CCT4: variants seen among roughly 807,000 people sequenced by gnomAD.
CCT4 encodes T-complex protein 1 subunit delta.
CCT4 carries 17 observed loss-of-function variants against 62.5 expected under a neutral mutation model. The observed-to-expected ratio is 0.27, with a 90% CI of 0.19 to 0.41. The LOEUF is 0.41. Among genes scored for constraint, CCT4 ranks in the 10% least tolerant of loss-of-function variants. The pLI, the probability that CCT4 is intolerant of heterozygous loss-of-function variation, is 1.00. For missense variants in CCT4, 592 were observed against 659.2 expected, an observed-to-expected ratio of 0.90 and a Z score of 1.12; for synonymous variants, 250 against 229.9, an observed-to-expected ratio of 1.09 and a Z score of -0.79.
chr2:61,877,121 C>G, intron 6 of CCT4, 69 bp from the exon 7 acceptor site: 1 of 1,381,582 alleles, frequency 7.2e-7, no homozygotes, highest in Non-Finnish European at 1.0e-6. Flanking sequence ...AATAGATGAA[C>G]AGATTAAAAG....
At chr2:61,868,838 AT>A in intron 13 of CCT4, 132 bp from the exon 14 acceptor site, 1 of 714,634 alleles carries the variant, frequency 1.4e-6, no homozygotes, top group South Asian at 1.5e-5. Flanking sequence ...GCAAATATTT[AT>A]CAAAAGTAAA....
chr2:61,882,093 C>G (rs1158277914), intron 3 of CCT4, among the ~76,000 whole-genome samples: 1 of 151,964 alleles, frequency 6.6e-6, no homozygotes, highest in Admixed American at 6.6e-5. Context: ...CCACCACGCC[C>G]AGCTGATTTT....
chr2:61,878,014 G>T (rs998792395), intron 5 of CCT4, among the ~76,000 whole-genome samples: 9 of 152,158 alleles, frequency 5.9e-5, no homozygotes, highest in Admixed American at 5.9e-4. Context: ...GCCAAACAGC[G>T]TAGTTAAGTG....
chr2:61,871,640 T>C (rs1668886017), intron 12 of CCT4, among the ~76,000 whole-genome samples: 1 of 152,238 alleles, frequency 6.6e-6, no homozygotes, highest in Admixed American at 6.5e-5. Context: ...TAAAAAGTGA[T>C]ATTATTACCA....
intron 3 of CCT4, 93 bp from the exon 4 acceptor site, chr2:61,880,487 AT>A: frequency 1.4e-6 from 1 of 724,358 alleles, no homozygotes; most frequent in Non-Finnish European, 2.4e-6. Context: ...CACAAACAGA[AT>A]TTGAAGATGC....
intron 12 of CCT4, among the ~76,000 whole-genome samples, 161 bp from the exon 13 acceptor site, chr2:61,869,714 G>A (rs988141598): frequency 1.9e-4 from 29 of 152,178 alleles, no homozygotes; most frequent in African/African-American, 7.0e-4. Context: ...ACTGTGGGAT[G>A]TTATTTCAAT....
intron 4 of CCT4, among the ~76,000 whole-genome samples, chr2:61,880,049 G>A (rs1392339769): frequency 6.6e-6 from 1 of 152,086 alleles, no homozygotes; most frequent in Non-Finnish European, 1.5e-5. Context: ...TTTTTGAACA[G>A]CAAAATTCAA....
Position 61,872,234 on chromosome 2 carries a change from C to G in CCT4, c.1339G>C (p.Glu447Gln), listed in dbSNP as rs373770662. ...GCAAAAGCACGAACGCAGTAGGATT[C>G]CATACCACTCAGTGTTCGTGAATAT... ...TEYSRTLSGM[E>Q]SYCVRAFADA... The change falls in exon 12 of 14, where the codon GAA becomes CAA. Residue 447 changes from glutamate (E) to glutamine (Q), a missense_variant. Around this residue, in one of 3 missense-constraint regions of CCT4, gnomAD observed 522 missense variants for 571.2 expected, o/e 0.91. Coordinates refer to ENST00000394440, the MANE Select transcript of CCT4 (RefSeq NM_006430.4). The G allele has an allele frequency of 6.2e-7, 1 of 1,613,700 alleles. No individual in the cohort carries two copies. The highest frequency in any genetic ancestry group is 8.5e-7 in the Non-Finnish European group (1 of 1,179,684).
intron 8 of CCT4, among the ~76,000 whole-genome samples, chr2:61,873,701 G>A (rs1309462593): frequency 6.6e-6 from 1 of 151,900 alleles, no homozygotes; most frequent in African/African-American, 2.4e-5. Flanking sequence ...AAGTGGCTGA[G>A]ACTACACGCT....
intron 4 of CCT4, among the ~76,000 whole-genome samples, chr2:61,879,299 TCAC>T (rs1293047160): frequency 6.9e-6 from 1 of 143,942 alleles, no homozygotes; most frequent in Non-Finnish European, 1.5e-5. Context: ...TCTTACTCTG[TCAC>T]CCAGGCTAGA....
At chr2:61,872,648 C>G in intron 10 of CCT4, 60 bp from the exon 11 acceptor site, 1 of 1,583,914 alleles carries the variant, frequency 6.3e-7, no homozygotes, top group Non-Finnish European at 8.6e-7. Flanking sequence ...CACACCCAGG[C>G]CGGGCACGGC....
rs771472718 is a variant in CCT4, at chr2:61,885,089, A to T, written c.128-17T>A. On this transcript the variant is annotated splice_polypyrimidine_tract_variant and intron_variant, in intron 1 of 13. Coordinates refer to ENST00000394440, the MANE Select transcript of CCT4 (RefSeq NM_006430.4). The stretch of plus-strand genomic sequence containing the variant: ...CAGCAACCGCTGCAGATGGGGGGGA[A>T]AAAAAAGAAAACAAATTAGAACTTT... 2 of 1,526,544 alleles carry T rather than the reference A, an allele frequency of 1.3e-6. No homozygotes were observed. Among genetic ancestry groups the T allele is most frequent in the East Asian group, 2.5e-5 (1 of 40,056 alleles). The allele number at this position is 1,526,544 out of a possible 1,614,324, so 94.6% of individuals were successfully genotyped here.
intron 4 of CCT4, among the ~76,000 whole-genome samples, chr2:61,879,256 C>CTTTTTTTTT (rs35373962): frequency 3.0e-5 from 3 of 101,046 alleles, no homozygotes; most frequent in African/African-American, 3.9e-5. Context: ...AAATTTTATA[C>CTTTTTTTTT]TTTTTTTTTT....
At chr2:61,888,154 G>A (rs1018313827) in intron 1 of CCT4, 1 of 549,378 alleles carries the variant, frequency 1.8e-6, no homozygotes, top group South Asian at 2.5e-5. Flanking sequence ...GAAAAACTAA[G>A]GGAGATTAAG....
chr2:61,874,919 CG>C (rs1668964804), intron 8 of CCT4, among the ~76,000 whole-genome samples: 1 of 151,416 alleles, frequency 6.6e-6, no homozygotes, highest in South Asian at 2.1e-4. Context: ...CCAAGGCTGG[CG>C]GATCACCTGA....
At chr2:61,888,197 A>C in intron 1 of CCT4, 184 bp downstream of exon 1, 1 of 692,012 alleles carries the variant, frequency 1.4e-6, no homozygotes, top group Non-Finnish European at 2.3e-6. Flanking sequence ...AGGCCTCCAT[A>C]CTCCGGGTTG....
chr2:61,882,118 A>C (rs1669130767), intron 3 of CCT4, among the ~76,000 whole-genome samples: 1 of 152,006 alleles, frequency 6.6e-6, no homozygotes, highest in African/African-American at 2.4e-5. Flanking sequence ...TTTTTAGTAG[A>C]GATGGGGTTT....
chr2:61,883,385 C>T, intron 3 of CCT4, 74 bp downstream of exon 3: 2 of 768,240 alleles, frequency 2.6e-6, no homozygotes, highest in South Asian at 1.7e-5. Context: ...CCACGGCACT[C>T]TAGCCTGGAT....
At position 61,872,333 on chromosome 2, in the gene CCT4, T is replaced by C. The variant is rs778746979; in HGVS notation, c.1257-17A>G. The stretch of plus-strand genomic sequence containing the variant: ...ATAAGAGCCCTGAAATTCACAAATA[T>C]ATTTTTAGCTTATTTTATCCAAAAG... On this transcript the variant is annotated splice_polypyrimidine_tract_variant and intron_variant, in intron 11 of 13. Transcript: ENST00000394440. 8.4e-6 allele frequency: 13 copies of C among 1,543,230 alleles called. No individual in the cohort carries two copies. Among genetic ancestry groups the C allele is most frequent in the East Asian group, 2.3e-5 (1 of 43,824 alleles).
Sources: gnomAD v4.1 joint callset for allele counts (sites outside exome capture counted in the v4.1 genomes callset) on GRCh38, gnomAD v4.1.1 for gene constraint, gnomAD v4.1.1 regional missense constraint, MANE v1.5 for transcripts, NCBI Gene and HGNC (gene_info 2026-07-23, HGNC 2026-07-21) for gene names.